PHACTR2: variants seen among roughly 807,000 people sequenced by gnomAD.
PHACTR2 encodes the protein chromosome 6 open reading frame 56.
A neutral mutation model predicts 76.0 loss-of-function variants in PHACTR2; 30 were observed. The observed-to-expected ratio is 0.39, with a 90% CI of 0.30 to 0.54. PHACTR2 has a LOEUF of 0.54. PHACTR2 is among the 20% of genes least tolerant of loss of function. PHACTR2 has a pLI of 0.61. For synonymous variants in PHACTR2, 292 were observed against 292.5 expected (o/e 1.00, Z 0.02); for missense variants, 696 against 781.1 (o/e 0.89, Z 1.30).
rs59017997 is a variant in PHACTR2 at position 143,564,196 on chromosome 6, CATATATATATATATATATATATAT to C, written c.217+27006_217+27029del. Among the ~76,000 whole-genome samples the C allele has an allele frequency of 1.4e-3, 58 of 40,300 alleles. 3 individuals carry two copies. The highest frequency in any genetic ancestry group is 4.5e-3 in the African/African-American group (48 of 10,770). 26.4% of individuals were successfully genotyped at this position (40,300 alleles called of 152,430 possible). On this transcript the variant is annotated intron_variant, in intron 1 of 11. Transcript: ENST00000367584. ...ATGTGTGTGTGTATGTGTGTGTGTG[CATATATATATATATATATATATAT>C]ATATATATATATATATGTATGCCAC...
chr6:143,790,530 T>C (rs1302898621), intron 11 of PHACTR2, among the ~76,000 whole-genome samples: 1 of 152,164 alleles, frequency 6.6e-6, no homozygotes, highest in Non-Finnish European at 1.5e-5. Flanking sequence ...ATTGAACATA[T>C]TTTCATATGC....
At chr6:143,720,668 A>G (rs1042608764) in intron 2 of PHACTR2, among the ~76,000 whole-genome samples, 2 of 152,150 alleles carry the variant, frequency 1.3e-5, no homozygotes, top group African/African-American at 2.4e-5. Flanking sequence ...GTGGAGTGCA[A>G]TGGAGTGATC....
chr6:143,711,484 T>G (rs1357383517), intron 1 of PHACTR2, among the ~76,000 whole-genome samples: 1 of 152,242 alleles, frequency 6.6e-6, no homozygotes, highest in Admixed American at 6.5e-5. Flanking sequence ...GTTATCAGTT[T>G]CTTTGAAGCT....
At chr6:143,744,762 CA>C (rs1160656465) in intron 2 of PHACTR2, among the ~76,000 whole-genome samples, 2 of 152,186 alleles carry the variant, frequency 1.3e-5, no homozygotes, top group African/African-American at 4.8e-5. Context: ...GTAAGATGGG[CA>C]GCCATGGGAA....
At position 143,688,999 on chromosome 6, in the gene PHACTR2, A is replaced by G. The variant is rs1777581423; in HGVS notation, c.46+10790A>G. Among the ~76,000 whole-genome samples, 1 of 151,942 alleles carries G rather than the reference A, an allele frequency of 6.6e-6. No homozygotes were observed. Among genetic ancestry groups the G allele is most frequent in the African/African-American group, 2.4e-5 (1 of 41,370 alleles). On this transcript the variant is annotated intron_variant, in intron 1 of 12. Coordinates refer to ENST00000440869, the MANE Select transcript of PHACTR2 (RefSeq NM_001100164.2). The surrounding 1 kb of genome is among the most constrained non-coding windows in gnomAD (Gnocchi z 5.2). Reference sequence around the variant, plus strand: ...CACCTCTCTGACCTCATCTTCCATCACTTTGCTCTGGTCCCCTCACTGCCT... The same window carrying G: ...CACCTCTCTGACCTCATCTTCCATCGCTTTGCTCTGGTCCCCTCACTGCCT...
rs1779442277 is a variant in PHACTR2, at chr6:143,761,558, A to T, written c.694+918A>T. Among the ~76,000 whole-genome samples, 1 of 152,144 alleles carries T rather than the reference A, an allele frequency of 6.6e-6. No homozygotes were observed. Among genetic ancestry groups the T allele is most frequent in the Non-Finnish European group, 1.5e-5 (1 of 68,028 alleles). On this transcript the variant is annotated intron_variant, in intron 5 of 12. Coordinates refer to ENST00000440869, the MANE Select transcript of PHACTR2 (RefSeq NM_001100164.2). This position sits in a 1 kb window ranked among gnomAD's most constrained non-coding sequence, Gnocchi z 5.2. ...CACTTGAGGTCAGGAGTTCGAGACC[A>T]ACCTGGTCAACATGGTGAAACCCTG...
chr6:143,735,408 A>G (rs376162137), intron 2 of PHACTR2, among the ~76,000 whole-genome samples: 101 of 152,366 alleles, frequency 6.6e-4, no homozygotes, highest in East Asian at 5.8e-3. Flanking sequence ...ATAGAAATCT[A>G]TAGTCCTAAA....
At chr6:143,575,126 G>GTTAA (rs57944360) in intron 1 of PHACTR2, among the ~76,000 whole-genome samples, 102,793 of 151,742 alleles carry the variant, frequency 0.68, 35,202 homozygotes, top group Middle Eastern at 0.75. Flanking sequence ...TTTTCAGCCA[G>GTTAA]TTATTTTCTT....
intron 1 of PHACTR2, among the ~76,000 whole-genome samples, chr6:143,644,705 G>T (rs1776626824): frequency 6.7e-6 from 1 of 150,152 alleles, no homozygotes; most frequent in Non-Finnish European, 1.5e-5. Flanking sequence ...GTTTTTCTTA[G>T]TGGTATGTAA....
chr6:143,627,244 G>A lies in PHACTR2; in HGVS notation c.13+18922G>A, dbSNP rs527729869. ...AACAGGTTCAAGTTTGCTAGGCAGA[G>A]GGAAATGTGAGTCTCTAACTTTGTA... On this transcript the variant is annotated intron_variant, in intron 1 of 11. Transcript: ENST00000305766. The surrounding 1 kb of genome is among the most constrained non-coding windows in gnomAD (Gnocchi z 4.3). Among the ~76,000 whole-genome samples, 9 of 151,878 alleles carry A rather than the reference G, an allele frequency of 5.9e-5. No homozygotes were observed. Among genetic ancestry groups the A allele is most frequent in the African/African-American group, 2.2e-4 (9 of 41,150 alleles).
chr6:143,554,104 A>G lies in PHACTR2; in HGVS notation c.217+16897A>G, dbSNP rs1009560938. ...TCATGTTTTTTGATACAAATGTAGA[A>G]AGCAAAGTTTGGGAGATAACTATTT... is the stretch of plus-strand genomic sequence containing the variant. On this transcript the variant is annotated intron_variant, in intron 1 of 11. Coordinates refer to the PHACTR2 transcript ENST00000367584. This position sits in a 1 kb window ranked among gnomAD's most constrained non-coding sequence, Gnocchi z 5.9. Among the ~76,000 whole-genome samples the G allele has an allele frequency of 2.0e-5, 3 of 152,154 alleles. No individual in the cohort carries two copies. Among genetic ancestry groups the G allele is most frequent in the African/African-American group, 7.2e-5 (3 of 41,436 alleles).
rs1775278855 is a variant in PHACTR2, at chr6:143,776,654, C to T, written c.1590-674C>T. 6.6e-6 allele frequency among the ~76,000 whole-genome samples: 1 copy of T among 152,002 alleles called. No individual in the cohort carries two copies. Among genetic ancestry groups the T allele is most frequent in the African/African-American group, 2.4e-5 (1 of 41,368 alleles). Reference sequence around the variant, plus strand: ...CACACATACCTGGTTTGAACCACTGCAGTTTTTGGTCTCTGCTACAGCTTA... The same window carrying T: ...CACACATACCTGGTTTGAACCACTGTAGTTTTTGGTCTCTGCTACAGCTTA... On this transcript the variant is annotated intron_variant, in intron 8 of 12. Coordinates refer to ENST00000440869, the MANE Select transcript of PHACTR2 (RefSeq NM_001100164.2). This position sits in a 1 kb window ranked among gnomAD's most constrained non-coding sequence, Gnocchi z 5.3.
chr6:143,674,193 ACT>A (rs1052958026), upstream of PHACTR2, among the ~76,000 whole-genome samples: 15 of 152,132 alleles, frequency 9.9e-5, no homozygotes, highest in African/African-American at 3.6e-4. This position sits in a 1 kb window ranked among gnomAD's most constrained non-coding sequence, Gnocchi z 4.9. Flanking sequence ...CAGAGTTTTC[ACT>A]GAGTTTATAT....
chr6:143,799,102 G>A lies in PHACTR2; in HGVS notation c.1846-7955G>A, dbSNP rs1775895327. On this transcript the variant is annotated intron_variant, in intron 11 of 12. Coordinates refer to ENST00000440869, the MANE Select transcript of PHACTR2 (RefSeq NM_001100164.2). ...TATTCAGAGATTCAACTTCTTCCTG[G>A]TTTAGTCTTGGGAGGGGGTATGTGT... 2.0e-5 allele frequency among the ~76,000 whole-genome samples: 3 copies of A among 152,164 alleles called. No homozygotes were observed. The South Asian group carries it at 6.2e-4, about 32-fold the overall frequency.
At chr6:143,575,527 C>G (rs9496678) in intron 1 of PHACTR2, among the ~76,000 whole-genome samples, 1 of 151,866 alleles carries the variant, frequency 6.6e-6, no homozygotes, top group Non-Finnish European at 1.5e-5. Flanking sequence ...GCTGTTTTAC[C>G]GTGTGGACAC....
upstream of PHACTR2, among the ~76,000 whole-genome samples, chr6:143,676,471 C>T (rs566730598): frequency 5.1e-4 from 77 of 152,240 alleles, no homozygotes; most frequent in Non-Finnish European, 3.5e-4. This position sits in a 1 kb window ranked among gnomAD's most constrained non-coding sequence, Gnocchi z 4.8. Context: ...GATCAGTGAC[C>T]TCCCTTTATC....
chr6:143,796,041 A>G (rs913213181), intron 11 of PHACTR2, among the ~76,000 whole-genome samples: 5 of 152,222 alleles, frequency 3.3e-5, no homozygotes, highest in African/African-American at 1.2e-4. Flanking sequence ...AACCCTTACA[A>G]TATATTAGGT....
chr6:143,668,431 A>G (rs1489607238), intron 1 of PHACTR2, among the ~76,000 whole-genome samples: 4 of 152,176 alleles, frequency 2.6e-5, no homozygotes, highest in Admixed American at 2.6e-4. Flanking sequence ...ATTGTTTGGA[A>G]TAATTTCATA....
rs776741724 is a variant in PHACTR2, at chr6:143,570,728, A to G, written c.217+33521A>G. On this transcript the variant is annotated intron_variant, in intron 1 of 11. Transcript: ENST00000367584. This position sits in a 1 kb window ranked among gnomAD's most constrained non-coding sequence, Gnocchi z 4.6. ...AGCAGCCATGGCCAGCGTGAGGTGC[A>G]TGTGCAAGTGGAGAAGTAGCAGGTT... is the stretch of plus-strand genomic sequence containing the variant. Among the ~76,000 whole-genome samples, 4 of 152,284 alleles carry G rather than the reference A, an allele frequency of 2.6e-5. No individual in the cohort carries two copies. Among genetic ancestry groups the G allele is most frequent in the Non-Finnish European group, 5.9e-5 (4 of 68,020 alleles).
Sources: gnomAD v4.1 joint callset for allele counts (sites outside exome capture counted in the v4.1 genomes callset) on GRCh38, gnomAD v4.1.1 for gene constraint, Gnocchi (gnomAD v3.1) non-coding constraint, MANE v1.5 for transcripts, NCBI Gene and HGNC (gene_info 2026-07-23, HGNC 2026-07-21) for gene names.